The following ZNF680 variants were observed in gnomAD, a reference collection of about 807,000 sequenced individuals.
ZNF680 encodes zinc finger protein 680.
ZNF680 carries 6 observed loss-of-function variants against 12.1 expected under a neutral mutation model. That is an observed-to-expected ratio of 0.49 (90% CI 0.27 to 0.98). The LOEUF is 0.98. Ranked by LOEUF, ZNF680 falls within the 50% of genes least tolerant of loss-of-function variation. ZNF680 has a pLI of 0.12. For synonymous variants in ZNF680, 170 were observed against 199.3 expected (o/e 0.85, Z 1.24); for missense variants, 561 against 616.3 (o/e 0.91, Z 0.95).
At chr7:64,512,254 C>G in the ZNF680 span, among the ~76,000 whole-genome samples, 1 of 151,680 alleles carries the variant, frequency 6.6e-6, no homozygotes, top group African/African-American at 2.4e-5. Context: ...TCGAGATCAT[C>G]CTGGCCAAGA....
intron 3 of ZNF680, among the ~76,000 whole-genome samples, chr7:64,523,250 AAGTT>A (rs1791639606): frequency 6.6e-6 from 1 of 152,162 alleles, no homozygotes; most frequent in Non-Finnish European, 1.5e-5. Flanking sequence ...ATTAATAACA[AAGTT>A]CAGGGCAGAT....
intron 3 of ZNF680, among the ~76,000 whole-genome samples, chr7:64,534,217 A>G (rs1346621161): frequency 1.3e-5 from 2 of 152,186 alleles, no homozygotes; most frequent in Admixed American, 1.3e-4. Context: ...CAGTCAGCAG[A>G]GTAAACAGAC....
chr7:64,544,531 A>T, intron 1 of ZNF680, 99 bp from the exon 2 acceptor site: 1 of 1,506,254 alleles, frequency 6.6e-7, no homozygotes, highest in Non-Finnish European at 8.9e-7. Flanking sequence ...GCAAAGTAAG[A>T]CAGTATAGAA....
chr7:64,502,127 C>T, the ZNF680 span, among the ~76,000 whole-genome samples: 5 of 151,228 alleles, frequency 3.3e-5, no homozygotes, highest in Non-Finnish European at 5.9e-5. Flanking sequence ...CCTCAGCCTC[C>T]GGAGTAGCTA....
the ZNF680 span, among the ~76,000 whole-genome samples, chr7:64,510,539 C>T: frequency 3.7e-4 from 57 of 152,118 alleles, no homozygotes; most frequent in African/African-American, 1.2e-3. Context: ...ATGTAAATAA[C>T]ACTTTCCTCT....
At chr7:64,539,650 G>A (rs1162203116) in intron 3 of ZNF680, among the ~76,000 whole-genome samples, 4 of 152,028 alleles carry the variant, frequency 2.6e-5, no homozygotes, top group East Asian at 1.9e-4. Flanking sequence ...TAACATGCTC[G>A]AAATGTACAA....
intron 3 of ZNF680, chr7:64,525,708 C>G: frequency 1.2e-6 from 1 of 825,492 alleles, no homozygotes; most frequent in Non-Finnish European, 1.5e-6. Context: ...ATAGACATAC[C>G]TAAAAGAGAT....
downstream of ZNF680, among the ~76,000 whole-genome samples, chr7:64,515,594 C>A (rs1260155315): frequency 6.6e-6 from 1 of 151,928 alleles, no homozygotes; most frequent in Non-Finnish European, 1.5e-5. Flanking sequence ...GCTGCAGGCA[C>A]CAATAAAAAA....
intron 1 of ZNF680, among the ~76,000 whole-genome samples, chr7:64,555,261 A>G (rs564235305): frequency 4.5e-4 from 68 of 152,294 alleles, no homozygotes; most frequent in African/African-American, 1.5e-3. Flanking sequence ...CCACACAATC[A>G]GAAATAAAAC....
At position 64,544,351 on chromosome 7, in the gene ZNF680, A is replaced by T. The variant is rs779252929; in HGVS notation, c.112T>A (p.Tyr38Asn). ...QCLDTAQRNL[Y>N]RKVMFENYRN... Reference sequence around the variant, plus strand: ...TAGTTCTCAAACATCACTTTCCTATATAAATTCCGTTGTGCAGTGTCCAGG... The same window carrying T: ...TAGTTCTCAAACATCACTTTCCTATTTAAATTCCGTTGTGCAGTGTCCAGG... The change falls in exon 2 of 4, where the codon TAT becomes AAT. Residue 38 changes from tyrosine to asparagine, a missense_variant. Coordinates refer to ENST00000309683, the MANE Select transcript of ZNF680 (RefSeq NM_178558.5). The T allele has an allele frequency of 6.2e-6, 10 of 1,605,532 alleles. No homozygotes were observed. In the South Asian group the frequency reaches 1.1e-4, roughly 18 times the overall value.
chr7:64,536,161 T>C (rs546636552), intron 3 of ZNF680, among the ~76,000 whole-genome samples: 22 of 152,094 alleles, frequency 1.4e-4, no homozygotes, highest in Non-Finnish European at 2.8e-4. Context: ...AACATAATAA[T>C]TGTAGATATC....
chr7:64,536,492 G>C (rs1467980629), intron 3 of ZNF680, among the ~76,000 whole-genome samples: 2 of 152,178 alleles, frequency 1.3e-5, no homozygotes, highest in African/African-American at 4.8e-5. Flanking sequence ...GCTTTCATTT[G>C]AATTAATAGA....
At chr7:64,558,143 A>T (rs1787523743) in intron 1 of ZNF680, among the ~76,000 whole-genome samples, 2 of 152,062 alleles carry the variant, frequency 1.3e-5, no homozygotes, top group East Asian at 1.9e-4. Flanking sequence ...GGCAGATGAG[A>T]TTATGAACAG....
intron 3 of ZNF680, among the ~76,000 whole-genome samples, chr7:64,537,899 C>A (rs1043157503): frequency 3.3e-5 from 5 of 151,810 alleles, no homozygotes; most frequent in Non-Finnish European, 5.9e-5. Context: ...CACTGCACTC[C>A]AGACTGGGTG....
chr7:64,507,626 C>G, the ZNF680 span, among the ~76,000 whole-genome samples: 2 of 151,450 alleles, frequency 1.3e-5, no homozygotes, highest in Non-Finnish European at 2.9e-5. Context: ...CTCAGCCTCC[C>G]GAGTAGCTGG....
rs60080240 is a variant in ZNF680, at chr7:64,521,500, G to A, written c.1254C>T (p.Cys418=). 1.9e-3 allele frequency: 3,050 copies of A among 1,613,022 alleles called. 43 individuals are homozygous for A. In the African/African-American group the frequency reaches 0.036, roughly 19 times the overall value. The change falls in exon 4 of 4, where the codon TGC becomes TGT. Residue 418 remains cysteine, a synonymous_variant. Coordinates refer to ENST00000309683, the MANE Select transcript of ZNF680 (RefSeq NM_178558.5). The stretch of plus-strand genomic sequence containing the variant: ...TTCTCTTATGTCGAGTAAGGCTGGA[G>A]CACCCATTAAAAGCTTTGCCACATT... ...CEECGKAFNG[C]SSLTRHKRIH...
chr7:64,531,818 T>G (rs1785900200), intron 3 of ZNF680, among the ~76,000 whole-genome samples: 1 of 152,068 alleles, frequency 6.6e-6, no homozygotes, highest in African/African-American at 2.4e-5. Flanking sequence ...TTCATAGCCC[T>G]AAATGCCTAC....
At chr7:64,511,747 TA>T in the ZNF680 span, among the ~76,000 whole-genome samples, 64,653 of 151,402 alleles carry the variant, frequency 0.43, 14,150 homozygotes, top group East Asian at 0.62. Context: ...TTTTAATTAA[TA>T]AAAAAAAAAA....
At chr7:64,513,353 AG>A in the ZNF680 span, among the ~76,000 whole-genome samples, 1 of 152,096 alleles carries the variant, frequency 6.6e-6, no homozygotes, top group South Asian at 2.1e-4. Flanking sequence ...TAAAAAAAAA[AG>A]AATTGTAAAA....
Sources: gnomAD v4.1 joint callset for allele counts (sites outside exome capture counted in the v4.1 genomes callset) on GRCh38, gnomAD v4.1.1 for gene constraint, MANE v1.5 for transcripts, NCBI Gene and HGNC (gene_info 2026-07-23, HGNC 2026-07-21) for gene names.